NFIB: variants seen among roughly 807,000 people sequenced by gnomAD.
NFIB encodes the protein nuclear factor 1 B-type.
NFIB carries 11 observed loss-of-function variants against 61.5 expected under a neutral mutation model. The observed-to-expected ratio is 0.18, with a 90% CI of 0.11 to 0.30. NFIB has a LOEUF of 0.30. Ranked by LOEUF, NFIB falls within the 10% of genes least tolerant of loss-of-function variation. The pLI is 1.00. For missense variants in NFIB, 471 were observed against 608.9 expected (o/e 0.77, Z 2.38); for synonymous variants, 260 against 216.5 (o/e 1.20, Z -1.76).
chr9:14,263,332 G>A (rs2056946580), intron 2 of NFIB, among the ~76,000 whole-genome samples: 1 of 150,808 alleles, frequency 6.6e-6, no homozygotes, highest in Non-Finnish European at 1.5e-5. Flanking sequence ...TGAAGAAATA[G>A]TTTCCTTCAG....
the NFIB span, among the ~76,000 whole-genome samples, chr9:14,422,828 A>T: frequency 2.6e-5 from 4 of 152,148 alleles, no homozygotes; most frequent in Admixed American, 1.3e-4. Context: ...GTGTTGTGGG[A>T]GAAGTTGAAA....
the NFIB span, among the ~76,000 whole-genome samples, chr9:14,475,980 T>G: frequency 6.6e-6 from 1 of 152,144 alleles, no homozygotes; most frequent in Non-Finnish European, 1.5e-5. Flanking sequence ...AAAAAATAAA[T>G]TTGACAATAA....
At chr9:14,195,403 A>T (rs142739432) in intron 2 of NFIB, among the ~76,000 whole-genome samples, 130 of 152,382 alleles carry the variant, frequency 8.5e-4, no homozygotes, top group African/African-American at 3.0e-3. Flanking sequence ...TCTAAGGAAT[A>T]CTTTAATGAA....
chr9:14,210,629 T>C (rs2050209533), intron 2 of NFIB, among the ~76,000 whole-genome samples: 1 of 152,074 alleles, frequency 6.6e-6, no homozygotes. Flanking sequence ...TTACTTCTGA[T>C]GGTTAAAACC....
At position 14,088,156 on chromosome 9, in the gene NFIB, A is replaced by AC. The variant is rs1437709597; in HGVS notation, c.*152_*153insG. ...TCCTCTTTTCCTTTTTTTTTATTTA[A>AC]AAAAAAAATTTCTTAAACTATTGTT... On this transcript the variant is annotated 3_prime_UTR_variant, in exon 11 of 11. Transcript: ENST00000380953. The AC allele has an allele frequency of 1.4e-6, 2 of 1,401,984 alleles. No individual in the cohort carries two copies. The highest frequency in any genetic ancestry group is 1.9e-6 in the Non-Finnish European group (2 of 1,065,590). 86.8% of individuals were successfully genotyped at this position (1,401,984 alleles called of 1,614,324 possible).
At chr9:14,249,225 G>C (rs185895086) in intron 2 of NFIB, among the ~76,000 whole-genome samples, 2 of 151,918 alleles carry the variant, frequency 1.3e-5, no homozygotes, top group East Asian at 3.9e-4. Flanking sequence ...GAGGATGGGG[G>C]TAGATATTAT....
At chr9:14,186,834 G>A (rs2047380826) in intron 2 of NFIB, among the ~76,000 whole-genome samples, 2 of 151,752 alleles carry the variant, frequency 1.3e-5, no homozygotes. Context: ...CATTGCTTTG[G>A]GTGACACAAA....
chr9:14,138,733 C>T (rs1216765625), intron 6 of NFIB, among the ~76,000 whole-genome samples: 5 of 152,248 alleles, frequency 3.3e-5, no homozygotes, highest in East Asian at 1.9e-4. Context: ...TACAATTCTA[C>T]TTTCAATATT....
chr9:14,102,317 C>G, intron 10 of NFIB: 2 of 996,992 alleles, frequency 2.0e-6, no homozygotes, highest in Non-Finnish European at 2.9e-6. Context: ...GCCAAAACAA[C>G]TAAATTTTTA....
intron 1 of NFIB, among the ~76,000 whole-genome samples, chr9:14,342,987 A>G (rs1167186200): frequency 4.0e-5 from 6 of 151,834 alleles, no homozygotes; most frequent in Admixed American, 2.0e-4. Flanking sequence ...AAGGAGGGAA[A>G]GAAAAGGGGG....
At chr9:14,422,533 T>G in the NFIB span, among the ~76,000 whole-genome samples, 1 of 152,196 alleles carries the variant, frequency 6.6e-6, no homozygotes, top group African/African-American at 2.4e-5. Flanking sequence ...GCATCTAGCT[T>G]AAATTACTTT....
chr9:14,349,529 G>C (rs2061079662), intron 1 of NFIB, among the ~76,000 whole-genome samples: 1 of 152,100 alleles, frequency 6.6e-6, no homozygotes, highest in African/African-American at 2.4e-5. Flanking sequence ...ATTTTGGAGA[G>C]CCCCAAAGCA....
intron 7 of NFIB, among the ~76,000 whole-genome samples, chr9:14,121,023 G>A (rs1453329248): frequency 6.6e-6 from 1 of 152,176 alleles, no homozygotes; most frequent in African/African-American, 2.4e-5. Flanking sequence ...AGCACTTTGG[G>A]CGGCTGGGGC....
At chr9:14,395,230 C>T (rs545774557) in intron 1 of NFIB, among the ~76,000 whole-genome samples, 2 of 150,008 alleles carry the variant, frequency 1.3e-5, no homozygotes, top group South Asian at 2.1e-4. Context: ...GAGGTCCAAA[C>T]AGCAGTTTTG....
intron 6 of NFIB, among the ~76,000 whole-genome samples, chr9:14,126,680 C>A (rs2039693462): frequency 6.6e-6 from 1 of 152,206 alleles, no homozygotes; most frequent in Non-Finnish European, 1.5e-5. Flanking sequence ...TCTCCAGCTT[C>A]CTGTACAAAC....
chr9:14,506,958 T>G, the NFIB span, among the ~76,000 whole-genome samples: 181 of 152,324 alleles, frequency 1.2e-3, no homozygotes, highest in African/African-American at 4.2e-3. Context: ...AAATACAGAC[T>G]GTGGGTATTT....
At chr9:14,515,622 T>C in the NFIB span, among the ~76,000 whole-genome samples, 1 of 152,126 alleles carries the variant, frequency 6.6e-6, no homozygotes, top group Non-Finnish European at 1.5e-5. Context: ...TGTGACAAGT[T>C]CTTGGTGTGA....
chr9:14,302,020 A>G (rs1235891469), intron 2 of NFIB, among the ~76,000 whole-genome samples: 1 of 152,202 alleles, frequency 6.6e-6, no homozygotes, highest in African/African-American at 2.4e-5. Context: ...ATGCATACCA[A>G]GTATTTCTCC....
chr9:14,398,630 A>G (rs1442465044), exon 1 of NFIB: 2 of 1,528,614 alleles, frequency 1.3e-6, no homozygotes, highest in East Asian at 5.0e-5. Context: ...GATTCTTTCC[A>G]TACTCCGAAC....
Sources: allele counts gnomAD v4.1 joint callset (sites outside exome capture counted in the v4.1 genomes callset), GRCh38; gene constraint gnomAD v4.1.1; transcripts MANE v1.5; gene names NCBI Gene and HGNC (gene_info 2026-07-23, HGNC 2026-07-21).